PLA2G4D: variants seen among roughly 807,000 people sequenced by gnomAD.
PLA2G4D encodes phospholipase A2 group IVD, also known as cytosolic phospholipase A2 delta.
In PLA2G4D, 80 loss-of-function variants were observed where a neutral mutation model predicts 94.4. The observed-to-expected ratio is 0.85, with a 90% CI of 0.71 to 1.02. PLA2G4D has a LOEUF of 1.02. Ranked by LOEUF, PLA2G4D falls within the 50% of genes least tolerant of loss-of-function variation. The pLI is 0.00. For synonymous variants in PLA2G4D, 438 were observed against 440.9 expected (o/e 0.99, Z 0.08); for missense variants, 1,050 against 1,034.7 (o/e 1.01, Z -0.20).
At position 42,084,770 on chromosome 15, in the gene PLA2G4D, C is replaced by T. The variant is rs1265516077; in HGVS notation, c.471+326G>A. On this transcript the variant is annotated intron_variant, in intron 6 of 19. Coordinates refer to ENST00000290472, the MANE Select transcript of PLA2G4D (RefSeq NM_178034.4). The surrounding 1 kb of genome is among the most constrained non-coding windows in gnomAD (Gnocchi z 4.8). ...GGCCTGGCCTACCTGATTTCTTCAC[C>T]GCTTCCCAGGGAAGCACTCAGTCAA... Among the ~76,000 whole-genome samples, 1 of 152,138 alleles carries T rather than the reference C, an allele frequency of 6.6e-6. No individual in the cohort carries two copies. Among genetic ancestry groups the T allele is most frequent in the Non-Finnish European group, 1.5e-5 (1 of 68,028 alleles).
chr15:42,093,051 G>A (rs998787678), intron 1 of PLA2G4D, among the ~76,000 whole-genome samples: 1 of 152,164 alleles, frequency 6.6e-6, no homozygotes, highest in African/African-American at 2.4e-5. Context: ...GGACCACACG[G>A]CAGGCACGTT....
chr15:42,077,495 A>G (rs1889954157), intron 13 of PLA2G4D, among the ~76,000 whole-genome samples: 1 of 152,252 alleles, frequency 6.6e-6, no homozygotes, highest in South Asian at 2.1e-4. Flanking sequence ...CCCTGGTTAC[A>G]TAATCAAAAA....
Position 42,087,263 on chromosome 15 carries a change from G to A in PLA2G4D, c.255+37C>T, listed in dbSNP as rs377657638. The A allele has an allele frequency of 3.5e-5, 56 of 1,613,332 alleles. No individual in the cohort carries two copies. The African/African-American group carries it at 4.5e-4, about 13-fold the overall frequency. On this transcript the variant is annotated intron_variant, in intron 3 of 19. Transcript: ENST00000290472. ...GAACCCTTGCATGGGGGTCCAGCCCGTTCACAAGGGAGTGGCCAGGAGTCC... is the reference window on the plus strand; with the variant it reads ...GAACCCTTGCATGGGGGTCCAGCCCATTCACAAGGGAGTGGCCAGGAGTCC...
rs759631862 is a variant in PLA2G4D, at chr15:42,083,297, C to T, written c.573G>A (p.Gly191=). The stretch of plus-strand genomic sequence containing the variant: ...AGGATGTCTGTGTGTCCTCATAGGA[C>T]CCCTTCAGCACCAGCTCCAGCTCCA... ...DKLELELVLK[G]SYEDTQTSFL... The change falls in exon 8 of 20, where the codon GGG becomes GGA. Residue 191 remains glycine (G), a synonymous_variant. Coordinates refer to ENST00000290472, the MANE Select transcript of PLA2G4D (RefSeq NM_178034.4). 14 of 1,614,084 alleles carry T rather than the reference C, an allele frequency of 8.7e-6. No homozygotes were observed. Among genetic ancestry groups the T allele is most frequent in the Middle Eastern group, 1.7e-4 (1 of 6,060 alleles).
intron 8 of PLA2G4D, 28 bp downstream of exon 8, chr15:42,083,170 G>C: frequency 6.2e-7 from 1 of 1,603,198 alleles, no homozygotes; most frequent in Non-Finnish European, 8.5e-7. Context: ...GCCTAGGATT[G>C]CAAACGAGGT....
chr15:42,073,701 T>G (rs1452846408), intron 13 of PLA2G4D, among the ~76,000 whole-genome samples: 2 of 152,204 alleles, frequency 1.3e-5, no homozygotes, highest in Non-Finnish European at 2.9e-5. Flanking sequence ...GGGTCTCCCC[T>G]GAGAATCAGC....
At chr15:42,082,053 T>C (rs1349353356) in intron 9 of PLA2G4D, among the ~76,000 whole-genome samples, 1 of 150,448 alleles carries the variant, frequency 6.6e-6, no homozygotes, top group Non-Finnish European at 1.5e-5. Context: ...TGCCTCAGCC[T>C]CCTGAGTAGC....
At position 42,072,189 on chromosome 15, in the gene PLA2G4D, C is replaced by G; in HGVS notation, c.1435+86G>C. 9.5e-6 allele frequency: 12 copies of G among 1,263,120 alleles called. No individual in the cohort carries two copies. The South Asian group carries it at 1.6e-4, about 17-fold the overall frequency. 78.2% of individuals were successfully genotyped at this position (1,263,120 alleles called of 1,614,324 possible). On this transcript the variant is annotated intron_variant, in intron 14 of 19. Transcript: ENST00000290472. Reference sequence around the variant, plus strand: ...GGAACATTGGGCAATCTGTGCGGAGCTTCCAGCATGAATTCTCTGGGGGCT... The same window carrying G: ...GGAACATTGGGCAATCTGTGCGGAGGTTCCAGCATGAATTCTCTGGGGGCT...
intron 19 of PLA2G4D, among the ~76,000 whole-genome samples, chr15:42,069,580 G>A (rs1161758011): frequency 6.6e-6 from 1 of 152,148 alleles, no homozygotes; most frequent in Non-Finnish European, 1.5e-5. Context: ...GAAGGATGGT[G>A]GAGAGGCCAA....
At chr15:42,069,019 G>A (rs1455691339) in intron 19 of PLA2G4D, 78 bp from the exon 20 acceptor site, 1 of 1,335,086 alleles carries the variant, frequency 7.5e-7, no homozygotes, top group Non-Finnish European at 1.0e-6. Flanking sequence ...AGGGAGGGCT[G>A]CCCCCGCTGG....
At chr15:42,089,220 C>T (rs1022425785) in intron 1 of PLA2G4D, among the ~76,000 whole-genome samples, 5 of 152,048 alleles carry the variant, frequency 3.3e-5, no homozygotes, top group African/African-American at 1.2e-4. Flanking sequence ...TGACCAGACC[C>T]ACTTCCATGC....
intron 13 of PLA2G4D, among the ~76,000 whole-genome samples, chr15:42,078,073 A>G (rs1319081444): frequency 6.6e-6 from 1 of 152,280 alleles, no homozygotes; most frequent in African/African-American, 2.4e-5. Flanking sequence ...AAAAATGGGT[A>G]TAAATGTGAC....
In PLA2G4D at chr15:42,071,127, C is replaced by G. The variant is rs1240557118; in HGVS notation, c.1872G>C (p.Trp624Cys). Residue 624 changes from tryptophan to cysteine, a missense_variant, in exon 17 of 20, where the codon TGG becomes TGC. Trp to Cys is a radical substitution (Grantham distance 215). Transcript: ENST00000290472. ...ACCCCTGGCCACGGCCCTGACCTGC[C>G]CAGGTGGAGAAGTCTTTGTGGCTAC... ...DYCSHKDFST[W>C]ADYQLDSMPS... The G allele has an allele frequency of 6.2e-7, 1 of 1,610,194 alleles. No individual in the cohort carries two copies. The highest frequency in any genetic ancestry group is 8.5e-7 in the Non-Finnish European group (1 of 1,178,920).
intron 8 of PLA2G4D, 78 bp from the exon 9 acceptor site, chr15:42,082,467 C>A: frequency 2.1e-6 from 2 of 930,712 alleles, no homozygotes; most frequent in Admixed American, 3.7e-5. Flanking sequence ...ACAATCCAGA[C>A]AGACACATTC....
rs779753903 is a variant in PLA2G4D, at chr15:42,081,568, C to T, written c.868G>A (p.Glu290Lys). ...TTCCTCCTGCTCAGGAAGGCCTGCT[C>T]CTCTGCACAGAGATTGAAGCCCAGG... ...VHLGFNLCAE[E>K]QAFLSRRKQV... is the part of the protein sequence containing the mutation. Residue 290 changes from glutamate to lysine, a missense_variant, in exon 11 of 20, where the codon GAG becomes AAG. Physicochemically the swap from Glu to Lys is moderately conservative, Grantham distance 56. Transcript: ENST00000290472. 4.3e-6 allele frequency: 7 copies of T among 1,614,232 alleles called. No homozygotes were observed. In the South Asian group the frequency reaches 6.6e-5, roughly 15 times the overall value.
chr15:42,094,187 G>T (rs76779748), intron 1 of PLA2G4D, among the ~76,000 whole-genome samples: 1 of 152,066 alleles, frequency 6.6e-6, no homozygotes, highest in Admixed American at 6.5e-5. Flanking sequence ...TGCTGTGGTC[G>T]CTGGTGGTGG....
At chr15:42,077,418 G>T (rs1889952887) in intron 13 of PLA2G4D, among the ~76,000 whole-genome samples, 1 of 152,192 alleles carries the variant, frequency 6.6e-6, no homozygotes, top group South Asian at 2.1e-4. Flanking sequence ...GGAACGCAAG[G>T]ATGGTTCAAC....
At chr15:42,092,650 C>T (rs1451087733) in intron 1 of PLA2G4D, among the ~76,000 whole-genome samples, 5 of 152,132 alleles carry the variant, frequency 3.3e-5, no homozygotes, top group African/African-American at 1.2e-4. Flanking sequence ...CTGTAGGATC[C>T]CCCGAATGCC....
At chr15:42,087,741 C>G (rs79813811) in intron 1 of PLA2G4D, 41 bp from the exon 2 acceptor site, 156,129 of 1,596,548 alleles carry the variant, frequency 0.098, 8,422 homozygotes, top group Middle Eastern at 0.11. Context: ...CCTGCATTCC[C>G]TCCCTTATGC....
Sources: gnomAD v4.1 joint callset for allele counts (sites outside exome capture counted in the v4.1 genomes callset) on GRCh38, gnomAD v4.1.1 for gene constraint, Gnocchi (gnomAD v3.1) non-coding constraint, MANE v1.5 for transcripts, NCBI Gene and HGNC (gene_info 2026-07-23, HGNC 2026-07-21) for gene names.